TTC29: variants seen among roughly 807,000 people sequenced by gnomAD.
The protein encoded by TTC29 is tetratricopeptide repeat domain 29, also known as tetratricopeptide repeat protein 29.
A neutral mutation model predicts 58.1 loss-of-function variants in TTC29; 49 were observed. The observed-to-expected ratio is 0.84, with a 90% CI of 0.67 to 1.07. The LOEUF is 1.07. TTC29 is among the 50% of genes least tolerant of loss of function. TTC29 has a pLI of 0.00. For synonymous variants in TTC29, 209 were observed against 196.8 expected (o/e 1.06, Z -0.52); for missense variants, 582 against 555.6 (o/e 1.05, Z -0.48).
intron 8 of TTC29, among the ~76,000 whole-genome samples, chr4:146,853,476 A>G (rs1021455105): frequency 6.6e-6 from 1 of 152,106 alleles, no homozygotes; most frequent in East Asian, 1.9e-4. Flanking sequence ...TCAGCATAGG[A>G]TACCCAAAAA....
chr4:146,745,703 C>A (rs184061310), intron 11 of TTC29, among the ~76,000 whole-genome samples: 3 of 152,176 alleles, frequency 2.0e-5, no homozygotes, highest in Non-Finnish European at 4.4e-5. Flanking sequence ...CTTCTGACCA[C>A]CCCACATTGA....
At chr4:146,825,648 G>A (rs1443576782) in intron 9 of TTC29, among the ~76,000 whole-genome samples, 1 of 152,172 alleles carries the variant, frequency 6.6e-6, no homozygotes, top group Non-Finnish European at 1.5e-5. Context: ...TTCAAGTCCT[G>A]AATATTCTTG....
chr4:146,896,984 C>G (rs1226506115), intron 6 of TTC29, among the ~76,000 whole-genome samples: 1 of 152,078 alleles, frequency 6.6e-6, no homozygotes, highest in Non-Finnish European at 1.5e-5. Context: ...CAAGTTAAGC[C>G]TCTGGATTAA....
intron 11 of TTC29, among the ~76,000 whole-genome samples, chr4:146,750,665 A>G (rs1745913324): frequency 6.6e-6 from 1 of 152,228 alleles, no homozygotes; most frequent in Non-Finnish European, 1.5e-5. Flanking sequence ...AGAATAGCAG[A>G]TTATAAGATT....
chr4:146,902,252 A>T (rs1733200599), intron 6 of TTC29, among the ~76,000 whole-genome samples: 1 of 152,042 alleles, frequency 6.6e-6, no homozygotes, highest in Non-Finnish European at 1.5e-5. Flanking sequence ...CTTAAGTCCA[A>T]GCTCTGACTG....
chr4:146,859,260 G>A (rs1174164746), intron 8 of TTC29, among the ~76,000 whole-genome samples: 1 of 152,236 alleles, frequency 6.6e-6, no homozygotes, highest in East Asian at 1.9e-4. Context: ...CTCTAGAGCT[G>A]AAGTATGGGA....
intron 11 of TTC29, among the ~76,000 whole-genome samples, chr4:146,782,290 A>AAAAT (rs1481155290): frequency 6.6e-6 from 1 of 151,726 alleles, no homozygotes; most frequent in Non-Finnish European, 1.5e-5. Flanking sequence ...AGCTACTTTA[A>AAAAT]AAATAAGTTA....
chr4:146,854,631 C>T (rs1729723067), intron 8 of TTC29, among the ~76,000 whole-genome samples: 1 of 152,098 alleles, frequency 6.6e-6, no homozygotes, highest in Admixed American at 6.6e-5. Context: ...TTTTCTGGGA[C>T]AGATATTCCC....
At chr4:146,931,484 T>G (rs1377450279) in intron 4 of TTC29, among the ~76,000 whole-genome samples, 1 of 152,242 alleles carries the variant, frequency 6.6e-6, no homozygotes, top group Non-Finnish European at 1.5e-5. Context: ...CATTTACTTC[T>G]TGTAAGAATT....
chr4:146,848,248 C>G (rs772561413), intron 8 of TTC29, among the ~76,000 whole-genome samples: 2 of 152,126 alleles, frequency 1.3e-5, no homozygotes, highest in African/African-American at 4.8e-5. Flanking sequence ...AAGCATTAAT[C>G]GAGTATACTT....
chr4:146,837,706 A>C (rs1328785283), intron 8 of TTC29, among the ~76,000 whole-genome samples: 1 of 152,064 alleles, frequency 6.6e-6, no homozygotes, highest in Non-Finnish European at 1.5e-5. Context: ...TTGATTGACT[A>C]TCCCTGTGGC....
intron 4 of TTC29, among the ~76,000 whole-genome samples, chr4:146,935,578 T>C (rs1322398636): frequency 2.0e-5 from 3 of 152,170 alleles, no homozygotes; most frequent in Admixed American, 6.6e-5. Flanking sequence ...TATCCTATCG[T>C]CTTAGTCTTC....
chr4:146,801,820 CA>C (rs896111826), intron 11 of TTC29, among the ~76,000 whole-genome samples: 1 of 150,384 alleles, frequency 6.6e-6, no homozygotes, highest in South Asian at 2.1e-4. Context: ...ACTAAAAATA[CA>C]AAAAAAATTA....
intron 11 of TTC29, among the ~76,000 whole-genome samples, chr4:146,739,633 AG>A (rs1430399128): frequency 2.6e-5 from 4 of 152,214 alleles, no homozygotes; most frequent in Admixed American, 2.0e-4. Context: ...AGACAACTGC[AG>A]TTTGGATATT....
Position 146,821,996 on chromosome 4 carries a change from T to G in TTC29, c.978-1748A>C, listed in dbSNP as rs898143908. ...AGAACATGTCTAGTGTTTTTTTTTTTTTTTTTTTTTCTGGGTTTTCTAAGT... is the reference window on the plus strand; with the variant it reads ...AGAACATGTCTAGTGTTTTTTTTTTGTTTTTTTTTTCTGGGTTTTCTAAGT... On this transcript the variant is annotated intron_variant, in intron 9 of 12. Coordinates refer to ENST00000325106, the MANE Select transcript of TTC29 (RefSeq NM_031956.4). Among the ~76,000 whole-genome samples the G allele has an allele frequency of 1.8e-4, 27 of 151,366 alleles. 1 individual carries two copies. The highest frequency in any genetic ancestry group is 4.6e-4 in the African/African-American group (19 of 41,330).
chr4:146,803,679 AG>A lies in TTC29; in HGVS notation c.1107del (p.Tyr370ThrfsTer16), dbSNP rs1284346310. ...MLGDIYNEKG[Y>X]YNKASECFQQ... ...TGAAAGCATTCAGAAGCTTTGTTGTAGTATCCCTAAAAAGGTAAGAGAAATA... is the reference window on the plus strand; with the variant it reads ...TGAAAGCATTCAGAAGCTTTGTTGTATATCCCTAAAAAGGTAAGAGAAATA... On this transcript the variant is annotated frameshift_variant, in exon 11 of 13. Transcript: ENST00000325106. LOFTEE classifies it high-confidence loss of function. 1 of 1,578,034 alleles carries A rather than the reference AG, an allele frequency of 6.3e-7. No individual in the cohort carries two copies. Among genetic ancestry groups the A allele is most frequent in the Non-Finnish European group, 8.6e-7 (1 of 1,157,682 alleles).
intron 11 of TTC29, among the ~76,000 whole-genome samples, chr4:146,715,341 G>A (rs1321318701): frequency 6.6e-6 from 1 of 152,092 alleles, no homozygotes; most frequent in Non-Finnish European, 1.5e-5. Flanking sequence ...TCTACAATAG[G>A]TAAGATATGG....
At chr4:146,797,007 A>G (rs1749877404) in intron 11 of TTC29, among the ~76,000 whole-genome samples, 1 of 152,162 alleles carries the variant, frequency 6.6e-6, no homozygotes, top group South Asian at 2.1e-4. Flanking sequence ...TAAGAAAAAA[A>G]AAGGTCAAAA....
At position 146,815,149 on chromosome 4, in the gene TTC29, G is replaced by A. The variant is rs1235178755; in HGVS notation, c.1101+4976C>T. ...ACTTTGGCCTCTTTCTGCTTATGCG[G>A]GGGTGGGAGGGAAGAGAGTGCATGC... On this transcript the variant is annotated intron_variant, in intron 10 of 12. Coordinates refer to ENST00000325106, the MANE Select transcript of TTC29 (RefSeq NM_031956.4). Among the ~76,000 whole-genome samples, 3 of 152,258 alleles carry A rather than the reference G, an allele frequency of 2.0e-5. No individual in the cohort carries two copies. In the East Asian group the frequency reaches 5.8e-4, roughly 29 times the overall value.
Sources: gnomAD v4.1 joint callset for allele counts (sites outside exome capture counted in the v4.1 genomes callset) on GRCh38, gnomAD v4.1.1 for gene constraint, MANE v1.5 for transcripts, NCBI Gene and HGNC (gene_info 2026-07-23, HGNC 2026-07-21) for gene names.